SMG6: variants seen among roughly 807,000 people sequenced by gnomAD.
SMG6 encodes the protein SMG6 nonsense mediated mRNA decay factor.
In SMG6, 66 loss-of-function variants were observed where a neutral mutation model predicts 142.2. The ratio of observed to expected loss-of-function variants is 0.46; its 90% CI spans 0.38 to 0.57. The LOEUF (loss-of-function observed/expected upper bound fraction) is 0.57, where lower values mean the gene tolerates loss of function less well. SMG6 is among the 20% of genes least tolerant of loss of function. The probability of loss-of-function intolerance (pLI) is 0.00; values close to 1 mark genes in which losing one functional copy is unlikely to be tolerated. For synonymous variants in SMG6, 779 were observed against 702.4 expected, an observed-to-expected ratio of 1.11 and a Z score of -1.72; for missense variants, 1,793 against 1,832.0, an observed-to-expected ratio of 0.98 and a Z score of 0.39.
chr17:2,190,579 T>C (rs1175721804), intron 10 of SMG6, among the ~76,000 whole-genome samples: 2 of 152,244 alleles, frequency 1.3e-5, no homozygotes, highest in Non-Finnish European at 2.9e-5. Flanking sequence ...GAATGGCTGC[T>C]TAACAACAAT....
At position 2,269,759 on chromosome 17, in the gene SMG6, C is replaced by T. The variant is rs111819188; in HGVS notation, c.2661+12888G>A. On this transcript the variant is annotated intron_variant, in intron 8 of 18. Coordinates refer to ENST00000263073, the MANE Select transcript of SMG6 (RefSeq NM_017575.5). ...CAAAATTCCAAGCAGAAACTATGAG[C>T]TCCAGCCCTAGGGAAACAAGGTTAT... Among the ~76,000 whole-genome samples the T allele has an allele frequency of 6.4e-3, 970 of 152,308 alleles. 9 individuals carry two copies. The highest frequency in any genetic ancestry group is 0.022 in the African/African-American group (918 of 41,574).
chr17:2,212,082 G>A (rs551278833), intron 10 of SMG6, among the ~76,000 whole-genome samples: 6 of 152,286 alleles, frequency 3.9e-5, no homozygotes, highest in South Asian at 2.1e-4. Flanking sequence ...TAATGCCAGC[G>A]TGTCTGTTTG....
chr17:2,069,043 C>T, intron 15 of SMG6, 112 bp from the exon 16 acceptor site: 1 of 1,063,666 alleles, frequency 9.4e-7, no homozygotes. Flanking sequence ...ACCTCTTCCC[C>T]TCCACAGTAA....
intron 12 of SMG6, among the ~76,000 whole-genome samples, chr17:2,182,521 G>GA (rs2071837890): frequency 6.6e-6 from 1 of 152,106 alleles, no homozygotes; most frequent in South Asian, 2.1e-4. Context: ...CAAGTACAGG[G>GA]AAAAAATTTA....
intron 13 of SMG6, among the ~76,000 whole-genome samples, chr17:2,154,209 G>A (rs578041514): frequency 2.8e-5 from 4 of 144,980 alleles, no homozygotes; most frequent in African/African-American, 5.2e-5. Context: ...GGGGATGCAC[G>A]CAGAGTGTGA....
chr17:2,080,073 TCAAAACAAAACAAAACAAAACAAAA>T (rs59094023), intron 15 of SMG6, among the ~76,000 whole-genome samples: 2,865 of 142,946 alleles, frequency 0.02, 58 homozygotes, highest in South Asian at 0.071. Flanking sequence ...AGACTCCATC[TCAAAACAAAACAAAACAAAACAAAA>T]CAAAACAAAA....
chr17:2,091,960 G>A (rs4790877), intron 13 of SMG6, among the ~76,000 whole-genome samples: 92,881 of 150,336 alleles, frequency 0.62, 29,205 homozygotes, highest in African/African-American at 0.69. Context: ...GGGATTACAG[G>A]CGTGAGCCAC....
At chr17:2,257,021 G>A (rs1271257147) in intron 8 of SMG6, among the ~76,000 whole-genome samples, 2 of 151,664 alleles carry the variant, frequency 1.3e-5, no homozygotes, top group South Asian at 4.2e-4. Context: ...TGTTGCCCAG[G>A]CTGGAGTACA....
chr17:2,297,567 C>CACACACAA (rs2075170805), intron 3 of SMG6, among the ~76,000 whole-genome samples: 2 of 148,830 alleles, frequency 1.3e-5, no homozygotes, highest in African/African-American at 5.2e-5. Context: ...CACATGAACA[C>CACACACAA]ACACACACAC....
At chr17:2,087,238 GC>G (rs1482972466) in intron 13 of SMG6, 8 of 1,289,118 alleles carry the variant, frequency 6.2e-6, no homozygotes, top group South Asian at 6.2e-5. Flanking sequence ...AAGACGGACA[GC>G]CCAGGGAAGC....
In SMG6 at chr17:2,299,628, T is replaced by C; in HGVS notation, c.1125A>G (p.Arg375=). 1.2e-6 allele frequency: 2 copies of C among 1,614,226 alleles called. No homozygotes were observed. The highest frequency in any genetic ancestry group is 1.7e-6 in the Non-Finnish European group (2 of 1,180,038). The stretch of plus-strand genomic sequence containing the variant: ...TGCTCAAGCCTTTGTCAGGCTTTCC[T>C]CTATCCATATCATCCCTGGCTGACC... ...MVRSARDDMD[R]GKPDKGLSSG... The change falls in exon 2 of 19, where the codon AGA becomes AGG. Residue 375 remains arginine (R), a synonymous_variant. Transcript: ENST00000263073. The surrounding 1 kb of genome is among the most constrained non-coding windows in gnomAD (Gnocchi z 4.3).
At chr17:2,074,528 G>GT (rs1378844101) in intron 15 of SMG6, among the ~76,000 whole-genome samples, 1 of 152,174 alleles carries the variant, frequency 6.6e-6, no homozygotes, top group East Asian at 1.9e-4. Flanking sequence ...ATGTCCAAAT[G>GT]TACCACAGAG....
chr17:2,254,578 G>C (rs534229940), intron 8 of SMG6, among the ~76,000 whole-genome samples: 43 of 152,236 alleles, frequency 2.8e-4, no homozygotes, highest in African/African-American at 1.0e-3. Context: ...CAAGTGATCT[G>C]CCCACCTCGG....
chr17:2,208,996 A>G (rs2072769744), intron 10 of SMG6, among the ~76,000 whole-genome samples: 2 of 152,144 alleles, frequency 1.3e-5, no homozygotes, highest in African/African-American at 2.4e-5. Flanking sequence ...CCTGGGCAAC[A>G]AAGTGAGACT....
chr17:2,220,017 G>A (rs561098821), intron 10 of SMG6, among the ~76,000 whole-genome samples: 1 of 152,156 alleles, frequency 6.6e-6, no homozygotes, highest in East Asian at 1.9e-4. Context: ...CAACCCCTGG[G>A]CTTAAGCCAT....
intron 13 of SMG6, among the ~76,000 whole-genome samples, chr17:2,102,326 T>C (rs1225175696): frequency 6.6e-6 from 1 of 152,152 alleles, no homozygotes; most frequent in Non-Finnish European, 1.5e-5. Flanking sequence ...ATCATTTTAT[T>C]GTGGTGAGAA....
intron 8 of SMG6, among the ~76,000 whole-genome samples, chr17:2,273,306 A>C (rs569388205): frequency 6.6e-6 from 1 of 152,326 alleles, no homozygotes; most frequent in Non-Finnish European, 1.5e-5. Context: ...ACTTAAGGTC[A>C]GGAGTTCACG....
intron 13 of SMG6, among the ~76,000 whole-genome samples, chr17:2,098,965 C>T (rs1185721081): frequency 6.6e-6 from 1 of 152,142 alleles, no homozygotes; most frequent in Non-Finnish European, 1.5e-5. Flanking sequence ...GTTTTATTTA[C>T]AATTCTTAAT....
intron 9 of SMG6, among the ~76,000 whole-genome samples, chr17:2,241,387 T>C (rs987559290): frequency 6.6e-6 from 1 of 152,228 alleles, no homozygotes; most frequent in East Asian, 1.9e-4. Flanking sequence ...CAATTTCTCT[T>C]ACTGTCATCC....
Sources: allele counts gnomAD v4.1 joint callset (sites outside exome capture counted in the v4.1 genomes callset), GRCh38; gene constraint gnomAD v4.1.1; non-coding constraint Gnocchi (gnomAD v3.1); transcripts MANE v1.5; gene names NCBI Gene and HGNC (gene_info 2026-07-23, HGNC 2026-07-21).